KIAA0408: variants seen among roughly 807,000 people sequenced by gnomAD.
KIAA0408 encodes uncharacterized protein KIAA0408.
A neutral mutation model predicts 60.9 loss-of-function variants in KIAA0408; 51 were observed. The ratio of observed to expected loss-of-function variants is 0.84; its 90% CI spans 0.67 to 1.06. The LOEUF (loss-of-function observed/expected upper bound fraction) is 1.06, where lower values mean the gene tolerates loss of function less well. KIAA0408 is among the 50% of genes least tolerant of loss of function. KIAA0408 has a pLI of 0.00. For synonymous variants in KIAA0408, 304 were observed against 282.4 expected, an observed-to-expected ratio of 1.08 and a Z score of -0.77; for missense variants, 787 against 833.9, an observed-to-expected ratio of 0.94 and a Z score of 0.69.
At chr6:127,449,404 C>T (rs968331658) in intron 4 of KIAA0408, among the ~76,000 whole-genome samples, 3 of 152,100 alleles carry the variant, frequency 2.0e-5, no homozygotes, top group African/African-American at 7.2e-5. Context: ...AATCCCAGCA[C>T]TTTGGGAGGC....
At chr6:127,453,654 G>A (rs1773341151) in intron 2 of KIAA0408, among the ~76,000 whole-genome samples, 193 bp downstream of exon 2, 2 of 151,988 alleles carry the variant, frequency 1.3e-5, no homozygotes, top group Admixed American at 1.3e-4. Flanking sequence ...TAATTTTCAT[G>A]CAATGATATA....
rs574658367 is a variant in KIAA0408, at chr6:127,443,731, G to A, written c.*378C>T. ...TAGGTATACATGTTATAATTTCAAA[G>A]TCAACACTAGCACATAAGTTTTTCA... On this transcript the variant is annotated 3_prime_UTR_variant, in exon 6 of 6. Coordinates refer to ENST00000483725, the MANE Select transcript of KIAA0408 (RefSeq NM_014702.5). The A allele has an allele frequency of 7.9e-5, 14 of 176,686 alleles. No homozygotes were observed. In the South Asian group the frequency reaches 1.7e-3, roughly 22 times the overall value. The allele number at this position is 176,686 out of a possible 1,614,324, so 10.9% of individuals were successfully genotyped here.
rs748677689 is a variant in KIAA0408, at chr6:127,446,859, T to G, written c.1460A>C (p.Gln487Pro). ...CCAAATACCGGACACATCGTTACTT[T>G]GTGATATGCTACCTGTGTGAGTAGA... Reference protein sequence around the residue: ...TSSTHTGSISQSNDVSGIWKT... With the variant: ...TSSTHTGSISPSNDVSGIWKT... Residue 487 changes from glutamine to proline, a missense_variant, in exon 5 of 6, where the codon CAA becomes CCA. Transcript: ENST00000483725. The G allele has an allele frequency of 3.7e-6, 6 of 1,613,842 alleles. No homozygotes were observed.
At chr6:127,445,534 T>C (rs917063060) in intron 5 of KIAA0408, among the ~76,000 whole-genome samples, 1 of 152,216 alleles carries the variant, frequency 6.6e-6, no homozygotes, top group African/African-American at 2.4e-5. Flanking sequence ...GCAACTTGCA[T>C]AATAGTTTAA....
intron 1 of KIAA0408, among the ~76,000 whole-genome samples, 172 bp downstream of exon 1, chr6:127,459,003 T>C (rs1251927705): frequency 1.3e-5 from 2 of 152,178 alleles, no homozygotes; most frequent in African/African-American, 4.8e-5. Flanking sequence ...GTACAATCTG[T>C]TATGCACCCC....
intron 1 of KIAA0408, among the ~76,000 whole-genome samples, chr6:127,458,818 TA>T (rs144475024): frequency 1.6e-4 from 24 of 152,072 alleles, no homozygotes; most frequent in African/African-American, 4.8e-4. Flanking sequence ...TTTATATGAA[TA>T]AAAAAAATCA....
At chr6:127,451,214 G>A (rs1364211568) in intron 2 of KIAA0408, 12 of 426,376 alleles carry the variant, frequency 2.8e-5, no homozygotes, top group Admixed American at 2.6e-5. Context: ...TTTAACAGCC[G>A]CAATCAATAT....
At position 127,439,083 on chromosome 6, in the gene KIAA0408, AG is replaced by A. The variant is rs1351559631; in HGVS notation, c.*5025del. 1 of 160,362 alleles carries A rather than the reference AG, an allele frequency of 6.2e-6. No individual in the cohort carries two copies. The highest frequency in any genetic ancestry group is 1.3e-5 in the Non-Finnish European group (1 of 74,436). 9.9% of individuals were successfully genotyped at this position (160,362 alleles called of 1,614,324 possible). ...ATAAGGCACCACCTTGAAAGCACAC[AG>A]CAGCCCTCACCAGACACCGAATCTG... On this transcript the variant is annotated 3_prime_UTR_variant, in exon 6 of 6. Coordinates refer to ENST00000483725, the MANE Select transcript of KIAA0408 (RefSeq NM_014702.5).
In KIAA0408 at chr6:127,439,945, T is replaced by C. The variant is rs1421574967; in HGVS notation, c.*4164A>G. ...ATCTTGGCAGCCATGCAGACCTCTT[T>C]GAATCTCAGGTTTCCCACCTCTAAA... On this transcript the variant is annotated 3_prime_UTR_variant, in exon 6 of 6. Transcript: ENST00000483725. 2.0e-5 allele frequency: 3 copies of C among 152,240 alleles called. No homozygotes were observed. Among genetic ancestry groups the C allele is most frequent in the South Asian group, 4.1e-4 (2 of 4,832 alleles). 9.4% of individuals were successfully genotyped at this position (152,240 alleles called of 1,614,324 possible). A position where few individuals can be genotyped will look rare whatever the true frequency, so the allele number is the denominator to read the frequency against.
chr6:127,449,979 A>T lies in KIAA0408; in HGVS notation c.498+11T>A. The T allele has an allele frequency of 6.2e-7, 1 of 1,613,774 alleles. No homozygotes were observed. The highest frequency in any genetic ancestry group is 8.5e-7 in the Non-Finnish European group (1 of 1,179,870). On this transcript the variant is annotated intron_variant, in intron 3 of 5. Transcript: ENST00000483725. ...TTAGAAACAGTTCTAGGCCAATCAC[A>T]TCTTACTTACTGTACTGAGGGCGCC...
chr6:127,458,461 T>C (rs1773432847), intron 1 of KIAA0408, among the ~76,000 whole-genome samples: 1 of 152,254 alleles, frequency 6.6e-6, no homozygotes. Context: ...CATTTAATTA[T>C]CTTCTTCCTT....
Position 127,446,468 on chromosome 6 carries a change from C to T in KIAA0408, c.1851G>A (p.Lys617=), listed in dbSNP as rs1773196010. Residue 617 remains lysine, a synonymous_variant, in exon 5 of 6, where the codon AAG becomes AAA. Transcript: ENST00000483725. ...MLQMEQQFQQ[K]TAVWGGQEVK... ...CTTCCTGTCCCCCCCACACAGCTGTCTTTTGCTGAAACTGTTGTTCCATTT... is the reference window on the plus strand; with the variant it reads ...CTTCCTGTCCCCCCCACACAGCTGTTTTTTGCTGAAACTGTTGTTCCATTT... The T allele has an allele frequency of 3.1e-6, 5 of 1,613,906 alleles. No individual in the cohort carries two copies. Among genetic ancestry groups the T allele is most frequent in the Non-Finnish European group, 4.2e-6 (5 of 1,179,938 alleles).
chr6:127,447,143 C>T lies in KIAA0408; in HGVS notation c.1176G>A (p.Met392Ile). 6.2e-7 allele frequency: 1 copy of T among 1,613,758 alleles called. No homozygotes were observed. The highest frequency in any genetic ancestry group is 8.5e-7 in the Non-Finnish European group (1 of 1,179,924). The change falls in exon 5 of 6, where the codon ATG becomes ATA. Residue 392 changes from methionine (M) to isoleucine (I), a missense_variant. By Grantham distance (10) the Met-to-Ile change is conservative. Coordinates refer to ENST00000483725, the MANE Select transcript of KIAA0408 (RefSeq NM_014702.5). ...CSTPSNPKYEMVIPDHPAKSH... is the reference protein window; with the variant it reads ...CSTPSNPKYEIVIPDHPAKSH... ...ATTTAGCAGGGTGATCTGGGATCACCATTTCATATTTTGGATTACTGGGGG... is the reference window on the plus strand; with the variant it reads ...ATTTAGCAGGGTGATCTGGGATCACTATTTCATATTTTGGATTACTGGGGG...
chr6:127,448,764 T>C (rs1309188630), intron 4 of KIAA0408, among the ~76,000 whole-genome samples: 1 of 152,154 alleles, frequency 6.6e-6, no homozygotes, highest in Non-Finnish European at 1.5e-5. Context: ...AGAAAATCTA[T>C]TGCAAGTCAG....
At position 127,447,260 on chromosome 6, in the gene KIAA0408, A is replaced by G. The variant is rs1773216680; in HGVS notation, c.1059T>C (p.Asn353=). ...ACCACATGCTAAGTCCAACATCTTC[A>G]TTACTTGGAGGCTTGCTATCTATTT... ...EVKIDSKPPS[N]EDVGLSMWSC... The change falls in exon 5 of 6, where the codon AAT becomes AAC. Residue 353 remains asparagine (N), a synonymous_variant. Transcript: ENST00000483725. The G allele has an allele frequency of 1.2e-6, 2 of 1,613,874 alleles. No individual in the cohort carries two copies. The highest frequency in any genetic ancestry group is 1.1e-5 in the South Asian group (1 of 91,038).
At chr6:127,453,447 T>G (rs1773337181) in intron 2 of KIAA0408, among the ~76,000 whole-genome samples, 2 of 152,036 alleles carry the variant, frequency 1.3e-5, no homozygotes, top group Admixed American at 1.3e-4. Context: ...TCATAAATCT[T>G]CTTAGGAAAG....
Position 127,450,340 on chromosome 6 carries a change from C to T in KIAA0408, c.148G>A (p.Val50Ile), listed in dbSNP as rs773048468. ...QKKIEELCRE[V>I]KLWRKININE... ...ATATTGATTTTCCTCCAAAGCTTTA[C>T]TTCCCGGCAAAGCTGTAAGAAAAAC... The change falls in exon 3 of 6, where the codon GTA becomes ATA. Residue 50 changes from valine to isoleucine, a missense_variant. By Grantham distance (29) the Val-to-Ile change is conservative. This residue lies in a region of KIAA0408 where 640 missense variants were observed against 681.3 expected (regional missense o/e 0.94). Coordinates refer to ENST00000483725, the MANE Select transcript of KIAA0408 (RefSeq NM_014702.5). 5 of 1,593,080 alleles carry T rather than the reference C, an allele frequency of 3.1e-6. No homozygotes were observed. The South Asian group carries it at 3.4e-5, about 11-fold the overall frequency.
rs1562368396 is a variant in KIAA0408, at chr6:127,444,211, G to A, written c.1983C>T (p.Leu661=). 3 of 1,613,520 alleles carry A rather than the reference G, an allele frequency of 1.9e-6. No homozygotes were observed. In the South Asian group the frequency reaches 3.3e-5, roughly 18 times the overall value. Reference sequence around the variant, plus strand: ...GAGATCTGGATGCCCATCTGGAGGGGAGACGACGATTTGCTGGTCTAGCAG... The same window carrying A: ...GAGATCTGGATGCCCATCTGGAGGGAAGACGACGATTTGCTGGTCTAGCAG... The part of the protein sequence containing the change: ...SRPARPANRR[L]PSRWASRSPS... The change falls in exon 6 of 6, where the codon CTC becomes CTT. Residue 661 remains leucine (L), a synonymous_variant. Transcript: ENST00000483725.
rs1262456328 is a variant in KIAA0408 at position 127,449,885 on chromosome 6, G to T, written c.515C>A (p.Ala172Glu). Residue 172 changes from alanine to glutamate, a missense_variant, in exon 4 of 6, where the codon GCG becomes GAG. Coordinates refer to ENST00000483725, the MANE Select transcript of KIAA0408 (RefSeq NM_014702.5). ...GALSTALEEL[A>E]KVSEELCSFQ... ...GCTGCATAATTCTTCACTCACCTTC[G>T]CAAGTTCTTCAAGAGCCTTTACACA... The T allele has an allele frequency of 4.3e-6, 7 of 1,613,744 alleles. No homozygotes were observed. Among genetic ancestry groups the T allele is most frequent in the African/African-American group, 1.3e-5 (1 of 74,870 alleles).
Sources: allele counts gnomAD v4.1 joint callset (sites outside exome capture counted in the v4.1 genomes callset), GRCh38; gene constraint gnomAD v4.1.1; regional missense constraint gnomAD v4.1.1; transcripts MANE v1.5; gene names NCBI Gene and HGNC (gene_info 2026-07-23, HGNC 2026-07-21).